Variants in RAPGEF1 observed in about 807,000 individuals in gnomAD.
RAPGEF1 encodes Rap guanine nucleotide exchange factor 1.
Under a neutral mutation model 143.3 loss-of-function variants are expected in RAPGEF1, and 33 were observed. The observed-to-expected ratio is 0.23, with a 90% CI of 0.17 to 0.31. The LOEUF (loss-of-function observed/expected upper bound fraction) is 0.31, where lower values mean the gene tolerates loss of function less well. RAPGEF1 is among the 10% of genes least tolerant of loss of function. The pLI is 1.00. For synonymous variants in RAPGEF1, 629 were observed against 676.5 expected, an observed-to-expected ratio of 0.93 and a Z score of 1.09; for missense variants, 1,199 against 1,645.4, an observed-to-expected ratio of 0.73 and a Z score of 4.69.
intron 1 of RAPGEF1, among the ~76,000 whole-genome samples, chr9:131,729,844 T>C (rs111557330): frequency 1.3e-5 from 2 of 152,230 alleles, no homozygotes; most frequent in African/African-American, 4.8e-5. Flanking sequence ...AAATAATAAA[T>C]GTGAGCTGCC....
Position 131,630,250 on chromosome 9 carries a change from G to A in RAPGEF1, c.726C>T (p.Ala242=). The part of the protein sequence containing the change: ...PTSPVKPSSP[A]SKPDGPAELP... ...TCAGCACCTACCCATCAGGCTTGCTGGCAGGGGAACTGGGCTTCACGGGGC... is the reference window on the plus strand; with the variant it reads ...TCAGCACCTACCCATCAGGCTTGCTAGCAGGGGAACTGGGCTTCACGGGGC... The change falls in exon 6 of 27, where the codon GCC becomes GCT. Residue 242 remains alanine (A), a synonymous_variant. Coordinates refer to ENST00000683357, the MANE Select transcript of RAPGEF1 (RefSeq NM_001377935.1). 2 of 1,613,808 alleles carry A rather than the reference G, an allele frequency of 1.2e-6. No homozygotes were observed. The highest frequency in any genetic ancestry group is 4.5e-5 in the East Asian group (2 of 44,844).
chr9:131,589,933 G>A lies in RAPGEF1; in HGVS notation c.2820C>T (p.Val940=). ...SPFADTFKKR[V]SKNTFFVLVR... The stretch of plus-strand genomic sequence containing the variant: ...CCAGCACGAAGAACGTGTTCTTGCT[G>A]ACGCGCTTCTTGAATGTGTCGGCAA... Residue 940 remains valine (V), a synonymous_variant, in exon 19 of 27, where the codon GTC becomes GTT. Coordinates refer to ENST00000683357, the MANE Select transcript of RAPGEF1 (RefSeq NM_001377935.1). The A allele has an allele frequency of 1.2e-6, 2 of 1,613,890 alleles. No individual in the cohort carries two copies. The highest frequency in any genetic ancestry group is 1.7e-6 in the Non-Finnish European group (2 of 1,179,834).
chr9:131,643,092 G>T lies in RAPGEF1; in HGVS notation c.494+147C>A, dbSNP rs185202786. The T allele has an allele frequency of 7.2e-5, 62 of 856,762 alleles. No homozygotes were observed. The African/African-American group carries it at 9.4e-4, about 13-fold the overall frequency. 53.1% of individuals were successfully genotyped at this position (856,762 alleles called of 1,614,324 possible). On this transcript the variant is annotated intron_variant, in intron 4 of 26. Transcript: ENST00000683357. The stretch of plus-strand genomic sequence containing the variant: ...TGAGATGGCATCACGGGATAGTTGT[G>T]GGGGGAGTGGTCAGGGGAAGGATGA...
chr9:131,712,802 G>A (rs904867436), intron 1 of RAPGEF1, among the ~76,000 whole-genome samples: 1 of 152,146 alleles, frequency 6.6e-6, no homozygotes, highest in South Asian at 2.1e-4. Context: ...AGGACCCTGT[G>A]GTCCAACCCT....
At chr9:131,588,728 CAGGG>C in intron 20 of RAPGEF1, 69 bp downstream of exon 20, 2 of 1,445,008 alleles carry the variant, frequency 1.4e-6, no homozygotes, top group Middle Eastern at 2.4e-4. Context: ...GTGGGGCTGG[CAGGG>C]AGGGAGGGTA....
At chr9:131,697,912 A>G (rs769027235) in intron 1 of RAPGEF1, among the ~76,000 whole-genome samples, 1 of 152,156 alleles carries the variant, frequency 6.6e-6, no homozygotes, top group South Asian at 2.1e-4. Context: ...GGCCAGAAAG[A>G]GAGGGGCCAG....
chr9:131,627,213 C>CAAA (rs10690802), intron 9 of RAPGEF1, among the ~76,000 whole-genome samples: 14 of 97,406 alleles, frequency 1.4e-4, no homozygotes, highest in African/African-American at 3.7e-4. Flanking sequence ...GGCTCTGTCT[C>CAAA]AAAAAAAAAA....
chr9:131,718,668 G>A (rs1423600327), intron 1 of RAPGEF1, among the ~76,000 whole-genome samples: 1 of 152,182 alleles, frequency 6.6e-6, no homozygotes, highest in Admixed American at 6.5e-5. Flanking sequence ...CTGAACAATC[G>A]GATCAAAAAT....
intron 5 of RAPGEF1, among the ~76,000 whole-genome samples, chr9:131,634,713 C>CAAAAAAAAAAAA (rs35405559): frequency 6.5e-5 from 4 of 61,222 alleles, no homozygotes; most frequent in African/African-American, 2.3e-4. Flanking sequence ...GACTCCGTCT[C>CAAAAAAAAAAAA]AAAAAAAAAA....
At chr9:131,700,024 A>G (rs1341076365) in intron 1 of RAPGEF1, among the ~76,000 whole-genome samples, 1 of 152,052 alleles carries the variant, frequency 6.6e-6, no homozygotes, top group Non-Finnish European at 1.5e-5. Flanking sequence ...CACAGCCCCA[A>G]TCATCCCCCA....
chr9:131,598,562 T>C, intron 15 of RAPGEF1: 1 of 617,194 alleles, frequency 1.6e-6, no homozygotes. Flanking sequence ...ATAAAAAGGT[T>C]CCATTAAGCT....
At chr9:131,580,147 T>C (rs1951645893) in intron 26 of RAPGEF1, 116 bp downstream of exon 26, 2 of 1,348,734 alleles carry the variant, frequency 1.5e-6, no homozygotes, top group African/African-American at 1.4e-5. Context: ...ATCTCAGCAG[T>C]GGCAGGTCCC....
chr9:131,634,079 T>C (rs898653014), intron 5 of RAPGEF1, among the ~76,000 whole-genome samples: 2 of 151,938 alleles, frequency 1.3e-5, no homozygotes, highest in Non-Finnish European at 2.9e-5. Flanking sequence ...CTGGGCAACA[T>C]GGTAAAAATC....
chr9:131,678,906 G>A (rs1382079389), intron 1 of RAPGEF1, among the ~76,000 whole-genome samples: 4 of 152,188 alleles, frequency 2.6e-5, no homozygotes. Context: ...GAGGCTGGAG[G>A]GTTTGGTTTG....
chr9:131,691,838 A>T (rs1369664987), intron 1 of RAPGEF1, among the ~76,000 whole-genome samples: 1 of 152,210 alleles, frequency 6.6e-6, no homozygotes, highest in African/African-American at 2.4e-5. Context: ...TTTTAATTTG[A>T]CATATTGCTG....
intron 15 of RAPGEF1, among the ~76,000 whole-genome samples, chr9:131,598,704 T>C (rs1393895353): frequency 2.0e-5 from 3 of 152,126 alleles, no homozygotes; most frequent in Non-Finnish European, 4.4e-5. Flanking sequence ...CCCCAAGTCT[T>C]CTCCAAGGAC....
At position 131,713,330 on chromosome 9, in the gene RAPGEF1, C is replaced by T. The variant is rs540036770; in HGVS notation, c.61+26440G>A. ...AGATCCACAAGATCATCTGCTCCAGCGACTCCCTTCCCCATTTCACAGATT... is the reference window on the plus strand; with the variant it reads ...AGATCCACAAGATCATCTGCTCCAGTGACTCCCTTCCCCATTTCACAGATT... On this transcript the variant is annotated intron_variant, in intron 1 of 26. Coordinates refer to ENST00000683357, the MANE Select transcript of RAPGEF1 (RefSeq NM_001377935.1). Among the ~76,000 whole-genome samples the T allele has an allele frequency of 2.3e-4, 35 of 152,334 alleles. No individual in the cohort carries two copies. The South Asian group carries it at 6.0e-3, about 26-fold the overall frequency.
chr9:131,720,968 G>T (rs1358388411), intron 1 of RAPGEF1, among the ~76,000 whole-genome samples: 1 of 152,176 alleles, frequency 6.6e-6, no homozygotes, highest in African/African-American at 2.4e-5. Context: ...TGATCTGGTT[G>T]TTATATGTAC....
At chr9:131,661,223 C>T (rs1443576153) in intron 1 of RAPGEF1, among the ~76,000 whole-genome samples, 1 of 152,182 alleles carries the variant, frequency 6.6e-6, no homozygotes, top group Non-Finnish European at 1.5e-5. Flanking sequence ...GAATGCCTGT[C>T]GACAGCAGGA....
Sources: gnomAD v4.1 joint callset for allele counts (sites outside exome capture counted in the v4.1 genomes callset) on GRCh38, gnomAD v4.1.1 for gene constraint, MANE v1.5 for transcripts, NCBI Gene and HGNC (gene_info 2026-07-23, HGNC 2026-07-21) for gene names.